Variants in RIC1 observed in about 807,000 individuals in gnomAD.
RIC1 encodes the protein guanine nucleotide exchange factor subunit RIC1.
In RIC1, 88 loss-of-function variants were observed where a neutral mutation model predicts 169.0. The ratio of observed to expected loss-of-function variants is 0.52; its 90% CI spans 0.44 to 0.62. The LOEUF (loss-of-function observed/expected upper bound fraction) is 0.62, where lower values mean the gene tolerates loss of function less well. Among genes scored for constraint, RIC1 ranks in the 20% least tolerant of loss-of-function variants. The pLI, the probability that RIC1 is intolerant of heterozygous loss-of-function variation, is 0.00. For synonymous variants in RIC1, 790 were observed against 601.5 expected, an observed-to-expected ratio of 1.31 and a Z score of -4.59; for missense variants, 1,877 against 1,725.5, an observed-to-expected ratio of 1.09 and a Z score of -1.56.
chr9:5,717,278 CAGATTACTGG>C (rs1823304355), intron 4 of RIC1, among the ~76,000 whole-genome samples: 1 of 152,006 alleles, frequency 6.6e-6, no homozygotes. Flanking sequence ...AGCAGGTAGT[CAGATTACTGG>C]AGGATAACTC....
chr9:5,763,947 C>G lies in RIC1; in HGVS notation c.2841+79C>G. 1 of 1,441,504 alleles carries G rather than the reference C, an allele frequency of 6.9e-7. No individual in the cohort carries two copies. Among genetic ancestry groups the G allele is most frequent in the Non-Finnish European group, 9.4e-7 (1 of 1,069,444 alleles). The allele number at this position is 1,441,504 out of a possible 1,614,324, so 89.3% of individuals were successfully genotyped here. On this transcript the variant is annotated intron_variant, in intron 19 of 25. Transcript: ENST00000414202. The surrounding 1 kb of genome is among the most constrained non-coding windows in gnomAD (Gnocchi z 5.2). ...AAATAGAAATGTCCTGTTTTGACACCATGATTGTGTTTAAGGAATTCATAG... is the reference window on the plus strand; with the variant it reads ...AAATAGAAATGTCCTGTTTTGACACGATGATTGTGTTTAAGGAATTCATAG...
chr9:5,671,160 C>T (rs754654349), intron 2 of RIC1, among the ~76,000 whole-genome samples: 9 of 152,192 alleles, frequency 5.9e-5, no homozygotes, highest in Admixed American at 6.5e-5. Context: ...CTCCTCTCCT[C>T]CTCCTAATGT....
intron 21 of RIC1, among the ~76,000 whole-genome samples, chr9:5,767,311 A>G (rs1234939665): frequency 3.9e-5 from 6 of 152,186 alleles, no homozygotes; most frequent in Non-Finnish European, 8.8e-5. Context: ...GCTATCACCC[A>G]TAGATGGGAT....
Position 5,690,006 on chromosome 9 carries a change from G to T in RIC1, c.300G>T (p.Gly100=). ...TTTTTCATATTACATCTACAAGAGG[G>T]GACAAGTACCTTTATGAACCAGTGT... is the stretch of plus-strand genomic sequence containing the variant. ...ILFFHITSTR[G]DKYLYEPVYP... Residue 100 remains glycine (G), a synonymous_variant, in exon 3 of 26, where the codon GGG becomes GGT. Transcript: ENST00000414202. The T allele has an allele frequency of 6.3e-7, 1 of 1,598,942 alleles. No individual in the cohort carries two copies. Among genetic ancestry groups the T allele is most frequent in the Non-Finnish European group, 8.5e-7 (1 of 1,174,980 alleles).
intron 3 of RIC1, among the ~76,000 whole-genome samples, chr9:5,693,559 G>A (rs1033763064): frequency 6.6e-6 from 1 of 152,012 alleles, no homozygotes; most frequent in African/African-American, 2.4e-5. Context: ...CTTCATATTA[G>A]TTACACAGAC....
chr9:5,774,603 C>T lies in RIC1; in HGVS notation c.*357C>T, dbSNP rs1039719126. On this transcript the variant is annotated 3_prime_UTR_variant, in exon 26 of 26. Transcript: ENST00000414202. ...TTACATCTTCTCACATTTCCCGGTT[C>T]TGCATTATGTCCAGATTGCTTTTTA... 1.1e-5 allele frequency: 2 copies of T among 174,664 alleles called. No individual in the cohort carries two copies. The highest frequency in any genetic ancestry group is 3.3e-4 in the South Asian group (2 of 6,102). 10.8% of individuals were successfully genotyped at this position (174,664 alleles called of 1,614,324 possible). A position where few individuals can be genotyped will look rare whatever the true frequency, so the allele number is the denominator to read the frequency against.
At chr9:5,664,861 C>T (rs1028432480) in intron 2 of RIC1, among the ~76,000 whole-genome samples, 1 of 152,166 alleles carries the variant, frequency 6.6e-6, no homozygotes, top group Non-Finnish European at 1.5e-5. Flanking sequence ...GCAAGATAGT[C>T]TTCAAGCTCT....
intron 12 of RIC1, among the ~76,000 whole-genome samples, chr9:5,748,362 G>A (rs1454751577): frequency 3.3e-5 from 5 of 152,120 alleles, no homozygotes; most frequent in African/African-American, 1.2e-4. Context: ...GACTTTGAGT[G>A]AAGATAATGA....
chr9:5,693,727 T>G (rs1237146925), intron 3 of RIC1, among the ~76,000 whole-genome samples: 1 of 152,184 alleles, frequency 6.6e-6, no homozygotes, highest in African/African-American at 2.4e-5. Flanking sequence ...AGAAGTTTAG[T>G]AGATTTCTAA....
chr9:5,636,782 C>T (rs960896523), intron 1 of RIC1, among the ~76,000 whole-genome samples: 1 of 152,100 alleles, frequency 6.6e-6, no homozygotes. Flanking sequence ...ATGTCATCTT[C>T]AGAGACAATT....
intron 6 of RIC1, among the ~76,000 whole-genome samples, chr9:5,731,465 A>T (rs996623616): frequency 6.6e-6 from 1 of 152,176 alleles, no homozygotes; most frequent in Non-Finnish European, 1.5e-5. Context: ...TCTAGTTCAT[A>T]TAGTTGTGAT....
At chr9:5,772,473 T>C (rs1827287394) in intron 23 of RIC1, 91 bp from the exon 24 acceptor site, 3 of 1,034,058 alleles carry the variant, frequency 2.9e-6, no homozygotes, top group Admixed American at 2.7e-5. Context: ...TCCTGAGAAA[T>C]CAACATCTGA....
chr9:5,732,551 T>C, intron 7 of RIC1, 72 bp downstream of exon 7: 2 of 923,418 alleles, frequency 2.2e-6, no homozygotes, highest in Admixed American at 2.3e-5. Context: ...TTTGTAAACA[T>C]AAGATGTTCC....
intron 2 of RIC1, among the ~76,000 whole-genome samples, chr9:5,679,367 T>C (rs1045323391): frequency 2.0e-5 from 3 of 152,220 alleles, no homozygotes; most frequent in Admixed American, 1.3e-4. Flanking sequence ...TTTTTTCCAA[T>C]TCTGTGAAGA....
At position 5,732,423 on chromosome 9, in the gene RIC1, C is replaced by T. The variant is rs767919693; in HGVS notation, c.756C>T (p.Asp252=). The change falls in exon 7 of 26, where the codon GAC becomes GAT. Residue 252 remains aspartate, a synonymous_variant. Transcript: ENST00000414202. ...GAGTTTGGCCACAAGATGTTGTTGA[C>T]GGAACGTGTGTAGCAGTAAATAACA... ...LHGVWPQDVV[D]GTCVAVNNKY... is the part of the protein sequence containing the mutation. 54 of 1,610,766 alleles carry T rather than the reference C, an allele frequency of 3.4e-5. No homozygotes were observed. Among genetic ancestry groups the T allele is most frequent in the East Asian group, 6.7e-5 (3 of 44,700 alleles).
intron 17 of RIC1, 77 bp from the exon 18 acceptor site, chr9:5,762,455 ACCTATAAAC>A: frequency 2.0e-6 from 3 of 1,478,654 alleles, no homozygotes; most frequent in Non-Finnish European, 2.8e-6. Context: ...AGATTGTTTG[ACCTATAAAC>A]CTTATGGATT....
intron 6 of RIC1, among the ~76,000 whole-genome samples, chr9:5,730,861 C>G (rs1242557754): frequency 6.6e-6 from 1 of 152,092 alleles, no homozygotes; most frequent in Non-Finnish European, 1.5e-5. Context: ...AATTATCTGA[C>G]CTCCTGTTAC....
At chr9:5,753,478 A>T in intron 13 of RIC1, 58 bp from the exon 14 acceptor site, 2 of 1,055,504 alleles carry the variant, frequency 1.9e-6, no homozygotes, top group Admixed American at 4.4e-5. Context: ...TAAGCTCTTT[A>T]TGCCTAATAA....
At chr9:5,703,751 C>T (rs1822385531) in intron 3 of RIC1, among the ~76,000 whole-genome samples, 1 of 152,098 alleles carries the variant, frequency 6.6e-6, no homozygotes. Context: ...ATGGATTTAC[C>T]ACAGGGTGTT....
Sources: allele counts gnomAD v4.1 joint callset (sites outside exome capture counted in the v4.1 genomes callset), GRCh38; gene constraint gnomAD v4.1.1; non-coding constraint Gnocchi (gnomAD v3.1); transcripts MANE v1.5; gene names NCBI Gene and HGNC (gene_info 2026-07-23, HGNC 2026-07-21).